GRM8: variants seen among roughly 807,000 people sequenced by gnomAD.
The protein encoded by GRM8 is glutamate metabotropic receptor 8.
A neutral mutation model predicts 87.2 loss-of-function variants in GRM8; 47 were observed. That is an observed-to-expected ratio of 0.54 (90% CI 0.43 to 0.69). The LOEUF (loss-of-function observed/expected upper bound fraction) is 0.69, where lower values mean the gene tolerates loss of function less well. Ranked by LOEUF, GRM8 falls within the 30% of genes least tolerant of loss-of-function variation. The pLI is 0.00. For missense variants in GRM8, 1,019 were observed against 1,139.2 expected (o/e 0.89, Z 1.52); for synonymous variants, 396 against 404.5 (o/e 0.98, Z 0.25).
At chr7:127,242,614 CT>C in intron 2 of GRM8, 80 bp downstream of exon 2, 1 of 1,374,014 alleles carries the variant, frequency 7.3e-7, no homozygotes, top group Non-Finnish European at 1.0e-6. Flanking sequence ...ACCATCTTCA[CT>C]TTCTTCTTAA....
At chr7:126,569,256 G>T (rs989698035) in intron 8 of GRM8, among the ~76,000 whole-genome samples, 1 of 152,052 alleles carries the variant, frequency 6.6e-6, no homozygotes, top group African/African-American at 2.4e-5. Flanking sequence ...TTTACATAAT[G>T]TAGTCACAAG....
intron 7 of GRM8, among the ~76,000 whole-genome samples, chr7:126,658,385 T>C (rs1804770695): frequency 1.3e-5 from 2 of 152,028 alleles, no homozygotes; most frequent in Admixed American, 1.3e-4. Flanking sequence ...GCAAAATGAT[T>C]TACAAAGAAC....
rs562963639 is a variant in GRM8, at chr7:126,718,984, T to C, written c.1357+50881A>G. Among the ~76,000 whole-genome samples, 360 of 152,316 alleles carry C rather than the reference T, an allele frequency of 2.4e-3. 1 individual carries two copies. Among genetic ancestry groups the C allele is most frequent in the Non-Finnish European group, 3.3e-3 (225 of 68,014 alleles). ...TTTATATACTTTGGAAATAATTTAA[T>C]GTAAAATCAATACTGCATATTGTGG... On this transcript the variant is annotated intron_variant, in intron 7 of 10. Transcript: ENST00000339582.
chr7:127,041,034 G>T (rs572391969), intron 3 of GRM8, among the ~76,000 whole-genome samples: 1 of 152,192 alleles, frequency 6.6e-6, no homozygotes, highest in East Asian at 1.9e-4. Flanking sequence ...AATGGCAAAC[G>T]CATTGAATTA....
At chr7:126,881,229 G>A (rs569420768) in intron 6 of GRM8, among the ~76,000 whole-genome samples, 1 of 152,270 alleles carries the variant, frequency 6.6e-6, no homozygotes, top group South Asian at 2.1e-4. Flanking sequence ...CAAGATGGCA[G>A]GGCACCCAAA....
intron 8 of GRM8, among the ~76,000 whole-genome samples, chr7:126,583,400 A>G (rs1393805436): frequency 6.6e-6 from 1 of 152,116 alleles, no homozygotes; most frequent in Non-Finnish European, 1.5e-5. Context: ...AATAAGAAAG[A>G]AAAGAAAAGT....
intron 7 of GRM8, among the ~76,000 whole-genome samples, chr7:126,613,818 C>T (rs753755075): frequency 5.9e-5 from 9 of 152,180 alleles, no homozygotes; most frequent in Non-Finnish European, 1.0e-4. Flanking sequence ...AAGGCAGCAG[C>T]GAGGCTGGGG....
At chr7:126,892,020 G>GGA (rs1586346112) in intron 6 of GRM8, among the ~76,000 whole-genome samples, 1 of 16,806 alleles carries the variant, frequency 6.0e-5, no homozygotes, top group Non-Finnish European at 1.1e-4. Context: ...TTCTTGCAGG[G>GGA]TAAAAAAAAA....
intron 7 of GRM8, among the ~76,000 whole-genome samples, chr7:126,734,316 A>G (rs1179447428): frequency 6.6e-6 from 1 of 151,944 alleles, no homozygotes; most frequent in Non-Finnish European, 1.5e-5. Context: ...AAACAAAGCC[A>G]GCAAAATTTT....
chr7:127,142,523 A>G (rs142459895), intron 2 of GRM8, among the ~76,000 whole-genome samples: 328 of 152,318 alleles, frequency 2.2e-3, no homozygotes, highest in African/African-American at 7.2e-3. Flanking sequence ...TCTCTCCCTC[A>G]ATAAATGTAC....
chr7:126,805,231 CA>C (rs1792548634), intron 6 of GRM8, among the ~76,000 whole-genome samples: 1 of 152,010 alleles, frequency 6.6e-6, no homozygotes, highest in South Asian at 2.1e-4. Flanking sequence ...GGGACCAATC[CA>C]AAAAAGCCAA....
At chr7:126,528,918 A>C (rs2299458) in intron 9 of GRM8, among the ~76,000 whole-genome samples, 55,677 of 151,950 alleles carry the variant, frequency 0.37, 10,334 homozygotes, top group Middle Eastern at 0.43. Context: ...CTCCACTGGC[A>C]CACCTGTGTA....
intron 8 of GRM8, among the ~76,000 whole-genome samples, chr7:126,585,082 A>G (rs1358066195): frequency 6.6e-6 from 1 of 152,192 alleles, no homozygotes; most frequent in Non-Finnish European, 1.5e-5. Flanking sequence ...CATCGCTTCT[A>G]TTTATACAAA....
At chr7:126,458,771 T>G (rs1008666555) in intron 9 of GRM8, among the ~76,000 whole-genome samples, 2 of 151,200 alleles carry the variant, frequency 1.3e-5, no homozygotes, top group African/African-American at 2.4e-5. Context: ...AAATTAAAAT[T>G]ATAATTTATA....
intron 9 of GRM8, among the ~76,000 whole-genome samples, chr7:126,493,829 G>A (rs1808351351): frequency 1.3e-5 from 2 of 152,014 alleles, no homozygotes; most frequent in South Asian, 4.1e-4. Context: ...GTTCCCTCTG[G>A]AAGGGGGAGT....
chr7:127,243,797 T>C (rs1798437504), intron 1 of GRM8, among the ~76,000 whole-genome samples: 1 of 151,484 alleles, frequency 6.6e-6, no homozygotes, highest in South Asian at 2.1e-4. Context: ...AAACCTTATT[T>C]CCATGAAGGT....
chr7:126,772,252 A>T (rs17621027), intron 6 of GRM8, among the ~76,000 whole-genome samples: 7,664 of 152,248 alleles, frequency 0.05, 289 homozygotes, highest in Middle Eastern at 0.12. Flanking sequence ...ATGGTTGCTT[A>T]TGAACAAAGA....
intron 2 of GRM8, among the ~76,000 whole-genome samples, chr7:127,153,344 T>TA (rs1001534423): frequency 1.1e-4 from 16 of 152,114 alleles, no homozygotes; most frequent in African/African-American, 2.9e-4. Flanking sequence ...AGGAATTTTA[T>TA]AAAAAAATTG....
At chr7:127,184,278 C>T (rs1319979151) in intron 2 of GRM8, among the ~76,000 whole-genome samples, 3 of 151,548 alleles carry the variant, frequency 2.0e-5, no homozygotes, top group South Asian at 2.1e-4. Context: ...TCAAATACAA[C>T]AATATATAAA....
Sources: allele counts gnomAD v4.1 joint callset (sites outside exome capture counted in the v4.1 genomes callset), GRCh38; gene constraint gnomAD v4.1.1; transcripts MANE v1.5; gene names NCBI Gene and HGNC (gene_info 2026-07-23, HGNC 2026-07-21).